RALGAPA2: variants seen among roughly 807,000 people sequenced by gnomAD.
RALGAPA2 encodes ral GTPase-activating protein subunit alpha-2.
In RALGAPA2, 139 loss-of-function variants were observed where a neutral mutation model predicts 230.4. The ratio of observed to expected loss-of-function variants is 0.60; its 90% CI spans 0.53 to 0.69. The LOEUF (loss-of-function observed/expected upper bound fraction) is 0.69, where lower values mean the gene tolerates loss of function less well. Among genes scored for constraint, RALGAPA2 ranks in the 30% least tolerant of loss-of-function variants. The pLI is 0.00. For missense variants in RALGAPA2, 2,163 were observed against 2,276.0 expected (o/e 0.95, Z 1.01); for synonymous variants, 847 against 837.8 (o/e 1.01, Z -0.19).
chr20:20,591,461 G>A, intron 16 of RALGAPA2, 147 bp from the exon 17 acceptor site: 1 of 992,068 alleles, frequency 1.0e-6, no homozygotes, highest in Non-Finnish European at 1.4e-6. Flanking sequence ...AAATGATCAA[G>A]TTTCCTACAC....
Position 20,511,323 on chromosome 20 carries a change from T to C in RALGAPA2, c.4859A>G (p.Lys1620Arg). 6.5e-7 allele frequency: 1 copy of C among 1,549,128 alleles called. No homozygotes were observed. The highest frequency in any genetic ancestry group is 8.7e-7 in the Non-Finnish European group (1 of 1,147,642). Residue 1620 changes from lysine (K) to arginine (R), a missense_variant and splice_region_variant, in exon 33 of 40, where the codon AAG becomes AGG. Transcript: ENST00000202677. ...ATTTTTCTTCAATAGATGAAAATTCTTCCTATAAAGAAAAAAGGATGGAAG... is the reference window on the plus strand; with the variant it reads ...ATTTTTCTTCAATAGATGAAAATTCCTCCTATAAAGAAAAAAGGATGGAAG... ...DLGMNSWDRR[K>R]NFHLLKKNSK...
chr20:20,502,184 A>G (rs1327576606), intron 35 of RALGAPA2, among the ~76,000 whole-genome samples: 1 of 152,222 alleles, frequency 6.6e-6, no homozygotes, highest in Admixed American at 6.5e-5. Flanking sequence ...TAAAAAATGT[A>G]ATACCTGTGA....
intron 37 of RALGAPA2, among the ~76,000 whole-genome samples, chr20:20,415,250 A>G (rs1485497528): frequency 6.6e-6 from 1 of 152,240 alleles, no homozygotes; most frequent in East Asian, 1.9e-4. Context: ...CATGTAAGAC[A>G]TGTTAAAATG....
chr20:20,646,434 C>T (rs1035981769), intron 4 of RALGAPA2, among the ~76,000 whole-genome samples: 1 of 152,186 alleles, frequency 6.6e-6, no homozygotes, highest in African/African-American at 2.4e-5. Context: ...ATATGTCATG[C>T]CTGTTTGGAT....
intron 1 of RALGAPA2, among the ~76,000 whole-genome samples, chr20:20,695,985 C>T (rs951307626): frequency 1.3e-5 from 2 of 150,946 alleles, no homozygotes; most frequent in African/African-American, 4.9e-5. Flanking sequence ...TTTTTTTTGT[C>T]AGCATCAAGG....
At chr20:20,515,852 G>C (rs1044744076) in intron 31 of RALGAPA2, among the ~76,000 whole-genome samples, 2 of 152,002 alleles carry the variant, frequency 1.3e-5, no homozygotes, top group Non-Finnish European at 2.9e-5. Context: ...AGTGGGGCGG[G>C]GGGGGCAGGG....
In RALGAPA2 at chr20:20,535,871, T is replaced by C. The variant is rs6137056; in HGVS notation, c.3415-68A>G. The C allele has an allele frequency of 0.012, 17,338 of 1,498,522 alleles. 529 individuals are homozygous for C. The East Asian group carries it at 0.12, about 10-fold the overall frequency. The allele number at this position is 1,498,522 out of a possible 1,614,324, so 92.8% of individuals were successfully genotyped here. A position where few individuals can be genotyped will look rare whatever the true frequency, so the allele number is the denominator to read the frequency against. The stretch of plus-strand genomic sequence containing the variant: ...GTTGGTTTCCCACATGTTCTGACCA[T>C]GTTCCAGGCAGCCAGGAGCTACTGA... On this transcript the variant is annotated intron_variant, in intron 25 of 39. Transcript: ENST00000202677.
chr20:20,584,271 T>A lies in RALGAPA2; in HGVS notation c.2530+594A>T, dbSNP rs527265790. Among the ~76,000 whole-genome samples the A allele has an allele frequency of 1.4e-4, 21 of 152,324 alleles. No individual in the cohort carries two copies. The South Asian group carries it at 4.4e-3, about 32-fold the overall frequency. ...CCCATTGACTTCAATGTACTTCTGA[T>A]GCTTTTTGCTTCTAGCCTCTGGGAA... On this transcript the variant is annotated intron_variant, in intron 19 of 39. Transcript: ENST00000202677.
At position 20,512,797 on chromosome 20, in the gene RALGAPA2, A is replaced by G. The variant is rs1256597634; in HGVS notation, c.4572T>C (p.Leu1524=). ...EEGDDVLDKL[L]ENIGHTSPEC... ...CAGGACTTGTATGGCCAATGTTTTC[A>G]AGTAATTTGTCAAGAACATCATCCC... The change falls in exon 32 of 40, where the codon CTT becomes CTC. Residue 1524 remains leucine (L), a synonymous_variant. Coordinates refer to ENST00000202677, the MANE Select transcript of RALGAPA2 (RefSeq NM_020343.4). 1 of 1,613,716 alleles carries G rather than the reference A, an allele frequency of 6.2e-7. No homozygotes were observed. The highest frequency in any genetic ancestry group is 1.1e-5 in the South Asian group (1 of 91,084).
chr20:20,658,696 A>G lies in RALGAPA2; in HGVS notation c.271-5109T>C, dbSNP rs190727501. Among the ~76,000 whole-genome samples, 250 of 152,320 alleles carry G rather than the reference A, an allele frequency of 1.6e-3. 1 individual carries two copies. Among genetic ancestry groups the G allele is most frequent in the African/African-American group, 5.7e-3 (239 of 41,580 alleles). On this transcript the variant is annotated intron_variant, in intron 3 of 39. Transcript: ENST00000202677. ...AGGGAATCTGTCATTCTTTTAACTG[A>G]TTATCCATAGTTCTTTTTTCTTCAG...
chr20:20,587,083 C>A (rs2065155270), intron 18 of RALGAPA2, among the ~76,000 whole-genome samples: 1 of 151,920 alleles, frequency 6.6e-6, no homozygotes, highest in Non-Finnish European at 1.5e-5. Flanking sequence ...TAGCATATAC[C>A]AAAAAGAACA....
intron 39 of RALGAPA2, among the ~76,000 whole-genome samples, chr20:20,394,741 C>T (rs908970674): frequency 6.6e-6 from 1 of 152,100 alleles, no homozygotes; most frequent in Non-Finnish European, 1.5e-5. Flanking sequence ...TGTTACAAGG[C>T]ATCTCTCCAT....
At chr20:20,449,089 G>A (rs1320163810) in intron 37 of RALGAPA2, among the ~76,000 whole-genome samples, 2 of 152,190 alleles carry the variant, frequency 1.3e-5, no homozygotes, top group African/African-American at 4.8e-5. Flanking sequence ...TGGAGCAGAT[G>A]GATGCTACCT....
intron 37 of RALGAPA2, among the ~76,000 whole-genome samples, chr20:20,464,652 GATCTCAAT>G (rs1421428738): frequency 6.6e-6 from 1 of 152,158 alleles, no homozygotes; most frequent in Non-Finnish European, 1.5e-5. Flanking sequence ...CCTTTATAGT[GATCTCAAT>G]AAGATTCTGT....
rs369611517 is a variant in RALGAPA2 at position 20,573,033 on chromosome 20, T to C, written c.2743A>G (p.Ile915Val). The C allele has an allele frequency of 1.6e-5, 26 of 1,609,460 alleles. No individual in the cohort carries two copies. The African/African-American group carries it at 2.5e-4, about 16-fold the overall frequency. The change falls in exon 21 of 40, where the codon ATC (isoleucine) becomes GTC (valine). Residue 915 changes from isoleucine (I) to valine (V), a missense_variant. By Grantham distance (29) the Ile-to-Val change is conservative. Transcript: ENST00000202677. ...CAACCAGTGAGGCTCCCCCCGGCGA[T>C]TATACTACAGTCATCTGTGAGGCAC... is the stretch of plus-strand genomic sequence containing the variant. ...SECLTDDCSI[I>V]AGGSLTGWHP...
At chr20:20,481,685 A>G (rs1281558184) in intron 36 of RALGAPA2, among the ~76,000 whole-genome samples, 1 of 152,268 alleles carries the variant, frequency 6.6e-6, no homozygotes, top group Non-Finnish European at 1.5e-5. Context: ...TACACAGAAT[A>G]TAAAAAGCAT....
intron 36 of RALGAPA2, among the ~76,000 whole-genome samples, chr20:20,478,802 G>A (rs952857441): frequency 6.6e-6 from 1 of 151,766 alleles, no homozygotes; most frequent in Non-Finnish European, 1.5e-5. Context: ...CCAAACCTCA[G>A]CATCATGCAA....
chr20:20,509,048 C>G (rs953251352), intron 33 of RALGAPA2, among the ~76,000 whole-genome samples: 1 of 152,190 alleles, frequency 6.6e-6, no homozygotes, highest in Admixed American at 6.5e-5. Context: ...TACTAAGAAG[C>G]CTGGAATAAT....
chr20:20,710,466 A>C (rs1042669278), intron 1 of RALGAPA2, among the ~76,000 whole-genome samples: 2 of 152,228 alleles, frequency 1.3e-5, no homozygotes, highest in South Asian at 4.1e-4. Context: ...AGAATTCCTC[A>C]GACACATTTT....
Sources: allele counts gnomAD v4.1 joint callset (sites outside exome capture counted in the v4.1 genomes callset), GRCh38; gene constraint gnomAD v4.1.1; transcripts MANE v1.5; gene names NCBI Gene and HGNC (gene_info 2026-07-23, HGNC 2026-07-21).